The following CLNK variants were observed in gnomAD, a reference collection of about 807,000 sequenced individuals.
CLNK encodes cytokine dependent hematopoietic cell linker.
In CLNK, 74 loss-of-function variants were observed where a neutral mutation model predicts 68.6. That is an observed-to-expected ratio of 1.08 (90% CI 0.89 to 1.31). The LOEUF (loss-of-function observed/expected upper bound fraction) is 1.31, where lower values mean the gene tolerates loss of function less well. Ranked by LOEUF, CLNK falls within the 50% of genes most tolerant of loss-of-function variation. The pLI, the probability that CLNK is intolerant of heterozygous loss-of-function variation, is 0.00. For synonymous variants in CLNK, 198 were observed against 172.2 expected, an observed-to-expected ratio of 1.15 and a Z score of -1.17; for missense variants, 553 against 515.3, an observed-to-expected ratio of 1.07 and a Z score of -0.71.
chr4:10,661,834 G>T (rs1035767884), intron 2 of CLNK, among the ~76,000 whole-genome samples: 6 of 152,172 alleles, frequency 3.9e-5, no homozygotes, highest in African/African-American at 1.4e-4. Flanking sequence ...AAGGTAATCA[G>T]CTCTTTATCC....
intron 3 of CLNK, among the ~76,000 whole-genome samples, chr4:10,586,805 T>C (rs1481055360): frequency 6.6e-6 from 1 of 152,166 alleles, no homozygotes; most frequent in Non-Finnish European, 1.5e-5. Flanking sequence ...ATCCATACCT[T>C]ATAACCAGTT....
At chr4:10,552,078 G>A (rs956126104) in intron 8 of CLNK, among the ~76,000 whole-genome samples, 3 of 151,888 alleles carry the variant, frequency 2.0e-5, no homozygotes, top group African/African-American at 7.2e-5. Flanking sequence ...GGATGGTCTC[G>A]ATCTCCTGAC....
chr4:10,604,597 TA>T (rs1254359307), intron 2 of CLNK, among the ~76,000 whole-genome samples: 1 of 151,754 alleles, frequency 6.6e-6, no homozygotes, highest in Non-Finnish European at 1.5e-5. Context: ...TTTTTTTTTT[TA>T]AGTTTAAATA....
At chr4:10,686,218 C>T (rs1363350983), upstream of CLNK, among the ~76,000 whole-genome samples, 2 of 152,046 alleles carry the variant, frequency 1.3e-5, no homozygotes, top group African/African-American at 2.4e-5. Context: ...TCCAAATTTC[C>T]CCTTCTTATC....
chr4:10,610,937 G>A (rs550008256), intron 2 of CLNK, among the ~76,000 whole-genome samples: 17 of 152,158 alleles, frequency 1.1e-4, no homozygotes, highest in Non-Finnish European at 2.1e-4. Flanking sequence ...TAATCCCAGC[G>A]ATTTGGGAGG....
the CLNK span, among the ~76,000 whole-genome samples, chr4:10,725,821 T>G: frequency 6.7e-6 from 1 of 149,726 alleles, no homozygotes; most frequent in South Asian, 2.1e-4. Flanking sequence ...GCCACTGCAC[T>G]CCAGCCTGGG....
At chr4:10,658,719 T>G (rs1157771299) in intron 2 of CLNK, among the ~76,000 whole-genome samples, 1 of 152,198 alleles carries the variant, frequency 6.6e-6, no homozygotes, top group South Asian at 2.1e-4. Context: ...CTGGCCAGAC[T>G]GTTAAAGACT....
At chr4:10,514,806 G>A (rs1410769583) in intron 15 of CLNK, among the ~76,000 whole-genome samples, 3 of 151,730 alleles carry the variant, frequency 2.0e-5, no homozygotes, top group Admixed American at 6.6e-5. Context: ...CCATCAGAGT[G>A]AACAGGCAAC....
At chr4:10,541,388 G>A (rs1577117341) in intron 10 of CLNK, among the ~76,000 whole-genome samples, 1 of 151,970 alleles carries the variant, frequency 6.6e-6, no homozygotes, top group African/African-American at 2.4e-5. Flanking sequence ...TTTGGTTCAA[G>A]CTGCTTCCCT....
intron 15 of CLNK, among the ~76,000 whole-genome samples, chr4:10,519,554 T>C (rs550113259): frequency 2.0e-5 from 3 of 152,160 alleles, no homozygotes; most frequent in African/African-American, 7.2e-5. Flanking sequence ...ATTTTAGCCC[T>C]CTTTGGGCAC....
chr4:10,540,297 C>G (rs1353223091), intron 11 of CLNK, among the ~76,000 whole-genome samples, 197 bp downstream of exon 11: 1 of 152,186 alleles, frequency 6.6e-6, no homozygotes, highest in Non-Finnish European at 1.5e-5. Context: ...GCTTCCCCAG[C>G]CATGTGAAAC....
chr4:10,551,494 C>T (rs1299909947), intron 8 of CLNK, among the ~76,000 whole-genome samples: 1 of 151,984 alleles, frequency 6.6e-6, no homozygotes, highest in East Asian at 1.9e-4. Flanking sequence ...TCTCGAAACT[C>T]CTGGGCTCAA....
At chr4:10,690,280 G>A in the CLNK span, among the ~76,000 whole-genome samples, 1 of 152,118 alleles carries the variant, frequency 6.6e-6, no homozygotes, top group Non-Finnish European at 1.5e-5. Flanking sequence ...CAGGACAGAA[G>A]AACCCAACAT....
chr4:10,730,127 C>T, the CLNK span, among the ~76,000 whole-genome samples: 3 of 152,186 alleles, frequency 2.0e-5, no homozygotes, highest in African/African-American at 7.2e-5. Context: ...AGTCACGCCA[C>T]TGCATCATGA....
intron 4 of CLNK, among the ~76,000 whole-genome samples, chr4:10,575,651 T>C (rs1720533904): frequency 2.0e-5 from 3 of 152,226 alleles, no homozygotes; most frequent in Admixed American, 2.0e-4. Flanking sequence ...CCCTGGGGCG[T>C]TGGCTGTGAT....
At chr4:10,644,098 C>T (rs1723419731) in intron 2 of CLNK, among the ~76,000 whole-genome samples, 1 of 152,172 alleles carries the variant, frequency 6.6e-6, no homozygotes, top group African/African-American at 2.4e-5. Flanking sequence ...CTGAGTATGG[C>T]TCATACTGAG....
At chr4:10,698,573 C>T in the CLNK span, among the ~76,000 whole-genome samples, 4 of 152,264 alleles carry the variant, frequency 2.6e-5, no homozygotes, top group African/African-American at 9.6e-5. Flanking sequence ...TCCACCTGTC[C>T]CTTCTGTCTC....
At chr4:10,542,680 G>A (rs866154702) in intron 8 of CLNK, among the ~76,000 whole-genome samples, 4,158 of 144,926 alleles carry the variant, frequency 0.029, 86 homozygotes, top group Non-Finnish European at 0.041. Flanking sequence ...GTGTGTGTGT[G>A]TGTATATATA....
intron 14 of CLNK, among the ~76,000 whole-genome samples, chr4:10,524,825 G>A (rs1718235308): frequency 2.0e-5 from 3 of 152,080 alleles, no homozygotes; most frequent in Admixed American, 2.0e-4. Context: ...CGGGGGGAGG[G>A]GCTACAGGCA....
Sources: gnomAD v4.1 joint callset for allele counts (sites outside exome capture counted in the v4.1 genomes callset) on GRCh38, gnomAD v4.1.1 for gene constraint, MANE v1.5 for transcripts, NCBI Gene and HGNC (gene_info 2026-07-23, HGNC 2026-07-21) for gene names.